CACNB1: variants seen among roughly 807,000 people sequenced by gnomAD.
The protein encoded by CACNB1 is voltage-dependent L-type calcium channel subunit beta-1.
Under a neutral mutation model 71.6 loss-of-function variants are expected in CACNB1, and 29 were observed. The ratio of observed to expected loss-of-function variants is 0.40; its 90% CI spans 0.30 to 0.55. CACNB1 has a LOEUF of 0.55. Ranked by LOEUF, CACNB1 falls within the 20% of genes least tolerant of loss-of-function variation. The pLI, the probability that CACNB1 is intolerant of heterozygous loss-of-function variation, is 0.38. For missense variants in CACNB1, 623 were observed against 801.8 expected, an observed-to-expected ratio of 0.78 and a Z score of 2.69; for synonymous variants, 300 against 319.6, an observed-to-expected ratio of 0.94 and a Z score of 0.65.
At chr17:39,197,044 C>G (rs1306080748) in intron 1 of CACNB1, among the ~76,000 whole-genome samples, 1 of 152,038 alleles carries the variant, frequency 6.6e-6, no homozygotes, top group African/African-American at 2.4e-5. Flanking sequence ...TGCGTCGCCC[C>G]CCTTGCCTGG....
Position 39,175,362 on chromosome 17 carries a change from G to T in CACNB1, c.1628C>A (p.Ala543Asp). ...CTCGTCCTCCCAGGATCCCTGTCGG[G>T]CTGGGGGCGTGCCGCCCCCTGCAGG... ...GDPAGGGTPPARQGSWEDEEE... is the reference protein window; with the variant it reads ...GDPAGGGTPPDRQGSWEDEEE... Residue 543 changes from alanine to aspartate, a missense_variant, in exon 14 of 14, where the codon GCC becomes GAC. Physicochemically the swap from Ala to Asp is moderately radical, Grantham distance 126. Coordinates refer to ENST00000394303, the MANE Select transcript of CACNB1 (RefSeq NM_000723.5). This position sits in a 1 kb window ranked among gnomAD's most constrained non-coding sequence, Gnocchi z 4.7. 3 of 1,614,122 alleles carry T rather than the reference G, an allele frequency of 1.9e-6. No individual in the cohort carries two copies. Among genetic ancestry groups the T allele is most frequent in the African/African-American group, 1.3e-5 (1 of 75,068 alleles).
At chr17:39,177,896 G>T in intron 12 of CACNB1, 88 bp downstream of exon 12, 1 of 1,057,696 alleles carries the variant, frequency 9.5e-7, no homozygotes, top group Non-Finnish European at 1.5e-6. Context: ...GGTGTTCCTG[G>T]TCACCCTGTC....
rs2045955419 is a variant in CACNB1 at position 39,186,905 on chromosome 17, C to T, written c.439G>A (p.Gly147Arg). Residue 147 changes from glycine to arginine, a missense_variant, in exon 5 of 14, where the codon GGG becomes AGG. Coordinates refer to ENST00000394303, the MANE Select transcript of CACNB1 (RefSeq NM_000723.5). This position sits in a 1 kb window ranked among gnomAD's most constrained non-coding sequence, Gnocchi z 4.1. ...KEKYNNDWWIGRLVKEGCEVG... is the reference protein window; with the variant it reads ...KEKYNNDWWIRRLVKEGCEVG... ...TCACAGCCCTCCTTCACCAGCCGCC[C>T]GATCCACCAGTCATTATTGTATTTC... is the stretch of plus-strand genomic sequence containing the variant. 1 of 1,614,102 alleles carries T rather than the reference C, an allele frequency of 6.2e-7. No homozygotes were observed. Among genetic ancestry groups the T allele is most frequent in the African/African-American group, 1.3e-5 (1 of 75,018 alleles).
intron 11 of CACNB1, 153 bp from the exon 12 acceptor site, chr17:39,178,232 A>G (rs1295338589): frequency 9.4e-6 from 6 of 639,426 alleles, no homozygotes; most frequent in Admixed American, 2.4e-5. Context: ...CTCTGCAGAA[A>G]GGACCTCAGC....
chr17:39,179,986 G>A (rs561359588), intron 11 of CACNB1, among the ~76,000 whole-genome samples: 2 of 152,150 alleles, frequency 1.3e-5, no homozygotes, highest in African/African-American at 2.4e-5. Flanking sequence ...ATTCTATACC[G>A]GCACAGTGGC....
intron 11 of CACNB1, among the ~76,000 whole-genome samples, chr17:39,181,252 C>G (rs531382899): frequency 6.6e-6 from 1 of 152,164 alleles, no homozygotes. Context: ...CACCACCATG[C>G]GCAGCTAATT....
intron 11 of CACNB1, 31 bp downstream of exon 11, chr17:39,183,682 G>A: frequency 6.5e-7 from 1 of 1,541,448 alleles, no homozygotes; most frequent in South Asian, 1.2e-5. Context: ...AAACCACGCT[G>A]TCCTGGCCAG....
intron 11 of CACNB1, among the ~76,000 whole-genome samples, chr17:39,180,793 G>T (rs983777566): frequency 2.6e-5 from 4 of 152,014 alleles, no homozygotes; most frequent in East Asian, 3.9e-4. Context: ...GCCCAGTCTG[G>T]TCTCCAACTC....
At chr17:39,184,005 A>T (rs750265808) in intron 10 of CACNB1, 26 bp downstream of exon 10, 10 of 1,529,848 alleles carry the variant, frequency 6.5e-6, no homozygotes, top group South Asian at 4.5e-5. Flanking sequence ...AGAAAGGGGG[A>T]GTGAAGACAG....
Position 39,175,349 on chromosome 17 carries a change from G to T in CACNB1, c.1641C>A (p.Ser547=), listed in dbSNP as rs1354818313. The T allele has an allele frequency of 6.2e-7, 1 of 1,614,138 alleles. No homozygotes were observed. The highest frequency in any genetic ancestry group is 1.3e-5 in the African/African-American group (1 of 75,058). ...GGGTPPARQG[S]WEDEEEDYEE... ...CATAGTCTTCTTCCTCGTCCTCCCAGGATCCCTGTCGGGCTGGGGGCGTGC... is the reference window on the plus strand; with the variant it reads ...CATAGTCTTCTTCCTCGTCCTCCCATGATCCCTGTCGGGCTGGGGGCGTGC... The change falls in exon 14 of 14, where the codon TCC becomes TCA. Residue 547 remains serine (S), a synonymous_variant. Transcript: ENST00000394303. This position sits in a 1 kb window ranked among gnomAD's most constrained non-coding sequence, Gnocchi z 4.7.
At position 39,175,805 on chromosome 17, in the gene CACNB1, G is replaced by A. The variant is rs183425372; in HGVS notation, c.1333-148C>T. 1.0e-4 allele frequency: 67 copies of A among 647,680 alleles called. No homozygotes were observed. In the African/African-American group the frequency reaches 1.2e-3, roughly 11 times the overall value. 40.1% of individuals were successfully genotyped at this position (647,680 alleles called of 1,614,324 possible). A position where few individuals can be genotyped will look rare whatever the true frequency, so the allele number is the denominator to read the frequency against. Reference sequence around the variant, plus strand: ...TAGAGGAGGGGCCCCGGGGACAAACGGCTCTGGAGCCCAGCCAGAGGACAG... The same window carrying A: ...TAGAGGAGGGGCCCCGGGGACAAACAGCTCTGGAGCCCAGCCAGAGGACAG... On this transcript the variant is annotated intron_variant, in intron 13 of 13. Transcript: ENST00000394303. The surrounding 1 kb of genome is among the most constrained non-coding windows in gnomAD (Gnocchi z 4.7).
rs2046229931 is a variant in CACNB1 at position 39,197,617 on chromosome 17, G to A, written c.-122C>T. 1 of 690,880 alleles carries A rather than the reference G, an allele frequency of 1.4e-6. No individual in the cohort carries two copies. The highest frequency in any genetic ancestry group is 2.3e-6 in the Non-Finnish European group (1 of 426,566). 42.8% of individuals were successfully genotyped at this position (690,880 alleles called of 1,614,324 possible). On this transcript the variant is annotated 5_prime_UTR_variant, in exon 1 of 14. Transcript: ENST00000394303. ...AGCACCCGGTCCAGCCACCCAGCTC[G>A]GCCTTCGGCTGCCTCCTTCCTGCCT...
intron 3 of CACNB1, among the ~76,000 whole-genome samples, chr17:39,190,876 T>C (rs2144162286): frequency 6.6e-6 from 1 of 152,262 alleles, no homozygotes; most frequent in Non-Finnish European, 1.5e-5. Flanking sequence ...TATCTTCCTT[T>C]TAATGTGACT....
In CACNB1 at chr17:39,194,874, TC is replaced by T. The variant is rs746075429; in HGVS notation, c.171+9del. 1 of 1,596,014 alleles carries T rather than the reference TC, an allele frequency of 6.3e-7. No individual in the cohort carries two copies. Among genetic ancestry groups the T allele is most frequent in the Non-Finnish European group, 8.6e-7 (1 of 1,165,260 alleles). On this transcript the variant is annotated intron_variant, in intron 2 of 13. Transcript: ENST00000394303. The surrounding 1 kb of genome is among the most constrained non-coding windows in gnomAD (Gnocchi z 4.6). ...CCACCTCCCTCCTCTCCGCCCAGCC[TC>T]CCCATTACCTGGCGGACAAAGCTGT...
chr17:39,175,752 C>G lies in CACNB1; in HGVS notation c.1333-95G>C. On this transcript the variant is annotated intron_variant, in intron 13 of 13. Coordinates refer to ENST00000394303, the MANE Select transcript of CACNB1 (RefSeq NM_000723.5). The surrounding 1 kb of genome is among the most constrained non-coding windows in gnomAD (Gnocchi z 4.7). ...CAAGTTAGTGACAGCATTAAGAGGT[C>G]CGGCCTGGATGAAGAGGGTGCTGGC... 1 of 1,033,130 alleles carries G rather than the reference C, an allele frequency of 9.7e-7. No individual in the cohort carries two copies. The highest frequency in any genetic ancestry group is 2.7e-5 in the Admixed American group (1 of 36,998). The allele number at this position is 1,033,130 out of a possible 1,614,324, so 64.0% of individuals were successfully genotyped here.
At position 39,175,009 on chromosome 17, in the gene CACNB1, G is replaced by A. The variant is rs2045539628; in HGVS notation, c.*184C>T. 1.7e-6 allele frequency: 1 copy of A among 600,940 alleles called. No individual in the cohort carries two copies. The highest frequency in any genetic ancestry group is 2.9e-6 in the Non-Finnish European group (1 of 342,214). The allele number at this position is 600,940 out of a possible 1,614,324, so 37.2% of individuals were successfully genotyped here. A position where few individuals can be genotyped will look rare whatever the true frequency, so the allele number is the denominator to read the frequency against. On this transcript the variant is annotated 3_prime_UTR_variant, in exon 14 of 14. Coordinates refer to ENST00000394303, the MANE Select transcript of CACNB1 (RefSeq NM_000723.5). The surrounding 1 kb of genome is among the most constrained non-coding windows in gnomAD (Gnocchi z 4.7). ...AACAGGCAGGTAAAAACCGACAGCT[G>A]GGGCTTAAGGGCCTCCCGGGAGCTG... is the stretch of plus-strand genomic sequence containing the variant.
In CACNB1 at chr17:39,194,733, A is replaced by G. The variant is rs936539696; in HGVS notation, c.171+151T>C. ...GTGCCGCTGACAGCACATCCAGAAG[A>G]GGTCATGGGGTGTCAGGGTGATGGG... On this transcript the variant is annotated intron_variant, in intron 2 of 13. Transcript: ENST00000394303. The surrounding 1 kb of genome is among the most constrained non-coding windows in gnomAD (Gnocchi z 4.6). 1 of 579,610 alleles carries G rather than the reference A, an allele frequency of 1.7e-6. No homozygotes were observed. 35.9% of individuals were successfully genotyped at this position (579,610 alleles called of 1,614,324 possible).
chr17:39,185,887 T>C, intron 6 of CACNB1: 1 of 1,547,226 alleles, frequency 6.5e-7, no homozygotes, highest in East Asian at 2.3e-5. Context: ...TACAGCCCCC[T>C]TCCCTCCACC....
intron 1 of CACNB1, among the ~76,000 whole-genome samples, chr17:39,195,780 C>T (rs2046190019): frequency 6.6e-6 from 1 of 152,156 alleles, no homozygotes; most frequent in Non-Finnish European, 1.5e-5. Flanking sequence ...ACTGCCCATG[C>T]CCCATGCCCA....
Sources: gnomAD v4.1 joint callset for allele counts (sites outside exome capture counted in the v4.1 genomes callset) on GRCh38, gnomAD v4.1.1 for gene constraint, Gnocchi (gnomAD v3.1) non-coding constraint, MANE v1.5 for transcripts, NCBI Gene and HGNC (gene_info 2026-07-23, HGNC 2026-07-21) for gene names.